Variants in KLHDC4 observed in about 807,000 individuals in gnomAD.
KLHDC4 encodes the protein kelch domain containing 4.
Under a neutral mutation model 62.4 loss-of-function variants are expected in KLHDC4, and 90 were observed. The ratio of observed to expected loss-of-function variants is 1.44; its 90% CI spans 1.22 to 1.72. The LOEUF is 1.72. Among genes scored for constraint, KLHDC4 ranks in the 40% most tolerant of loss-of-function variants. The pLI is 0.00. For missense variants in KLHDC4, 1,025 were observed against 699.7 expected (o/e 1.47, Z -5.25); for synonymous variants, 386 against 284.4 (o/e 1.36, Z -3.59).
intron 6 of KLHDC4, among the ~76,000 whole-genome samples, chr16:87,729,651 G>A (rs2039990555): frequency 6.6e-6 from 1 of 152,274 alleles, no homozygotes; most frequent in Admixed American, 6.5e-5. Flanking sequence ...ACCCTGGGCA[G>A]CCATGCCAGC....
chr16:87,750,040 C>G (rs1485274722), intron 4 of KLHDC4, among the ~76,000 whole-genome samples: 1 of 152,148 alleles, frequency 6.6e-6, no homozygotes, highest in East Asian at 1.9e-4. Context: ...GCATCCCTGA[C>G]GGGTCATCAG....
rs139890463 is a variant in KLHDC4, at chr16:87,749,305, C to G, written c.370-496G>C. Among the ~76,000 whole-genome samples, 452 of 152,130 alleles carry G rather than the reference C, an allele frequency of 3.0e-3. 2 individuals carry two copies. Among genetic ancestry groups the G allele is most frequent in the African/African-American group, 0.011 (439 of 41,524 alleles). Reference sequence around the variant, plus strand: ...GCGCGGTGGCTCACACCTGTAATCCCAGCACTTCGGGAGGCTGAGGTGGAC... The same window carrying G: ...GCGCGGTGGCTCACACCTGTAATCCGAGCACTTCGGGAGGCTGAGGTGGAC... On this transcript the variant is annotated intron_variant, in intron 4 of 11. Coordinates refer to ENST00000270583, the MANE Select transcript of KLHDC4 (RefSeq NM_017566.4).
chr16:87,706,765 T>C (rs1232582274), downstream of KLHDC4, among the ~76,000 whole-genome samples: 4 of 151,764 alleles, frequency 2.6e-5, no homozygotes, highest in Non-Finnish European at 4.4e-5. Context: ...GCTGGCCGAG[T>C]GCCCCTGAGA....
rs2037323417 is a variant in KLHDC4, at chr16:87,717,879, T to C, written c.760-3306A>G. On this transcript the variant is annotated intron_variant, in intron 7 of 11. Transcript: ENST00000270583. Reference sequence around the variant, plus strand: ...CGTCTTGTTTTGCTGACAGCAACATTGTCTTCTTAGAATTAACAGCCTATG... The same window carrying C: ...CGTCTTGTTTTGCTGACAGCAACATCGTCTTCTTAGAATTAACAGCCTATG... 1.3e-5 allele frequency among the ~76,000 whole-genome samples: 2 copies of C among 152,328 alleles called. 1 individual carries two copies. Among genetic ancestry groups the C allele is most frequent in the South Asian group, 4.1e-4 (2 of 4,824 alleles).
At chr16:87,716,701 G>T (rs1261029886) in intron 7 of KLHDC4, among the ~76,000 whole-genome samples, 8 of 152,230 alleles carry the variant, frequency 5.3e-5, no homozygotes, top group Middle Eastern at 3.4e-3. Flanking sequence ...GAGGCCGAGG[G>T]GGGTAGACCA....
intron 2 of KLHDC4, among the ~76,000 whole-genome samples, chr16:87,758,957 CCT>C (rs1304764095): frequency 6.6e-6 from 1 of 152,080 alleles, no homozygotes; most frequent in Non-Finnish European, 1.5e-5. Context: ...GGGCGGATCA[CCT>C]GAGGTGGGGA....
rs112320123 is a variant in KLHDC4, at chr16:87,726,176, G to C, written c.759+589C>G. On this transcript the variant is annotated intron_variant, in intron 7 of 11. Transcript: ENST00000270583. The stretch of plus-strand genomic sequence containing the variant: ...CAGACAGCAGCGCCTATTTTCCCAC[G>C]CCGCAACTCACCCGTCTCCCCACCC... Among the ~76,000 whole-genome samples, 18 of 150,954 alleles carry C rather than the reference G, an allele frequency of 1.2e-4. No homozygotes were observed. In the South Asian group the frequency reaches 1.3e-3, roughly 11 times the overall value.
chr16:87,713,913 C>T (rs1192040107), intron 8 of KLHDC4, among the ~76,000 whole-genome samples: 2 of 151,946 alleles, frequency 1.3e-5, no homozygotes, highest in African/African-American at 2.4e-5. Flanking sequence ...CTAACAGCCC[C>T]GAGTTCAGTA....
chr16:87,709,074 C>T (rs1337069762), intron 10 of KLHDC4, among the ~76,000 whole-genome samples, 191 bp downstream of exon 10: 1 of 152,282 alleles, frequency 6.6e-6, no homozygotes, highest in African/African-American at 2.4e-5. Context: ...GACAGACGTG[C>T]CCAGGGTGGG....
At chr16:87,764,187 T>C (rs1445641517) in intron 1 of KLHDC4, among the ~76,000 whole-genome samples, 5 of 152,240 alleles carry the variant, frequency 3.3e-5, no homozygotes, top group African/African-American at 9.6e-5. Flanking sequence ...GATGATCCTC[T>C]GTGGGTCTAG....
At chr16:87,713,109 G>A (rs906398209) in intron 8 of KLHDC4, among the ~76,000 whole-genome samples, 20 of 152,226 alleles carry the variant, frequency 1.3e-4, no homozygotes, top group African/African-American at 4.6e-4. Flanking sequence ...TCAGCTGACG[G>A]CAGCCTCCAC....
chr16:87,750,718 A>G (rs1428085370), intron 4 of KLHDC4, among the ~76,000 whole-genome samples: 1 of 152,140 alleles, frequency 6.6e-6, no homozygotes, highest in Non-Finnish European at 1.5e-5. Flanking sequence ...CGCACATAGA[A>G]ACGGCCACAG....
chr16:87,740,413 G>A (rs1222096639), intron 5 of KLHDC4, among the ~76,000 whole-genome samples: 1 of 152,124 alleles, frequency 6.6e-6, no homozygotes, highest in Non-Finnish European at 1.5e-5. Context: ...TACTTTGGGG[G>A]TTCCCAGGAG....
rs150423965 is a variant in KLHDC4 at position 87,726,748 on chromosome 16, C to T, written c.759+17G>A. On this transcript the variant is annotated intron_variant, in intron 7 of 11. Transcript: ENST00000270583. Reference sequence around the variant, plus strand: ...CCCGGTCCCACGCCTTGCCTGTTTCCCCACCCCCCGCCTTACCTGTTTCGA... The same window carrying T: ...CCCGGTCCCACGCCTTGCCTGTTTCTCCACCCCCCGCCTTACCTGTTTCGA... The T allele has an allele frequency of 3.5e-4, 540 of 1,525,966 alleles. 3 individuals carry two copies. The highest frequency in any genetic ancestry group is 2.1e-3 in the Admixed American group (96 of 45,304). The allele number at this position is 1,525,966 out of a possible 1,614,324, so 94.5% of individuals were successfully genotyped here.
chr16:87,765,095 T>C (rs989593898), intron 1 of KLHDC4: 1 of 455,982 alleles, frequency 2.2e-6, no homozygotes, highest in African/African-American at 2.0e-5. Context: ...CCCAGGGAGC[T>C]GTGCCTGGCG....
intron 1 of KLHDC4, 183 bp from the exon 2 acceptor site, chr16:87,762,223 C>T (rs1422350563): frequency 3.8e-6 from 5 of 1,301,738 alleles, no homozygotes; most frequent in Non-Finnish European, 5.1e-6. Context: ...AGAGCTTGAC[C>T]TCAAAGGCAG....
At chr16:87,702,353 G>C (rs939694516) in exon 1 of KLHDC4, 4 of 448,398 alleles carry the variant, frequency 8.9e-6, no homozygotes, top group African/African-American at 8.0e-5. Flanking sequence ...ATGGGTGTGA[G>C]GGTGCAGGGG....
chr16:87,752,015 G>A (rs911021600), intron 4 of KLHDC4, among the ~76,000 whole-genome samples: 5 of 147,304 alleles, frequency 3.4e-5, no homozygotes, highest in Non-Finnish European at 6.0e-5. Context: ...GCATGAACCC[G>A]GGAGGCGGAG....
At chr16:87,701,939 T>G in exon 1 of KLHDC4, 1 of 455,864 alleles carries the variant, frequency 2.2e-6, no homozygotes, top group African/African-American at 2.0e-5. Flanking sequence ...CCAGCAGTGG[T>G]AGATGGGGCT....
Sources: gnomAD v4.1 joint callset for allele counts (sites outside exome capture counted in the v4.1 genomes callset) on GRCh38, gnomAD v4.1.1 for gene constraint, MANE v1.5 for transcripts, NCBI Gene and HGNC (gene_info 2026-07-23, HGNC 2026-07-21) for gene names.